The following ULK4 variants were observed in gnomAD, a reference collection of about 807,000 sequenced individuals.
The protein encoded by ULK4 is inactive serine/threonine-protein kinase ULK4.
ULK4 carries 133 observed loss-of-function variants against 160.6 expected under a neutral mutation model. That is an observed-to-expected ratio of 0.83 (90% CI 0.72 to 0.96). ULK4 has a LOEUF of 0.96. Ranked by LOEUF, ULK4 falls within the 40% of genes least tolerant of loss-of-function variation. The probability of loss-of-function intolerance (pLI) is 0.00; values close to 1 mark genes in which losing one functional copy is unlikely to be tolerated. For synonymous variants in ULK4, 534 were observed against 539.8 expected, an observed-to-expected ratio of 0.99 and a Z score of 0.15; for missense variants, 1,580 against 1,499.5, an observed-to-expected ratio of 1.05 and a Z score of -0.89.
At chr3:41,339,704 C>T (rs1305359537) in intron 35 of ULK4, among the ~76,000 whole-genome samples, 1 of 152,160 alleles carries the variant, frequency 6.6e-6, no homozygotes, top group Admixed American at 6.5e-5. Context: ...CACTCTTATA[C>T]AGTAAAGGTG....
At chr3:41,402,231 CTTA>C (rs1456912081) in intron 34 of ULK4, among the ~76,000 whole-genome samples, 1 of 152,154 alleles carries the variant, frequency 6.6e-6, no homozygotes, top group Non-Finnish European at 1.5e-5. Context: ...GTTGAACTCA[CTTA>C]TTAATTCTAG....
At chr3:41,366,248 A>G (rs1004944493) in intron 35 of ULK4, among the ~76,000 whole-genome samples, 8 of 152,214 alleles carry the variant, frequency 5.3e-5, no homozygotes, top group Non-Finnish European at 1.2e-4. Flanking sequence ...AATTCCTCTA[A>G]AAACTTACTT....
At chr3:41,409,585 C>T (rs1471631811) in intron 34 of ULK4, among the ~76,000 whole-genome samples, 1 of 152,090 alleles carries the variant, frequency 6.6e-6, no homozygotes, top group Non-Finnish European at 1.5e-5. Context: ...ACAGATATTT[C>T]TCCAAAGAAG....
Position 41,900,574 on chromosome 3 carries a change from T to C in ULK4, c.1287+151A>G. 2 of 615,170 alleles carry C rather than the reference T, an allele frequency of 3.3e-6. 1 individual carries two copies. The highest frequency in any genetic ancestry group is 4.7e-5 in the South Asian group (2 of 42,846). 38.1% of individuals were successfully genotyped at this position (615,170 alleles called of 1,614,324 possible). On this transcript the variant is annotated intron_variant, in intron 13 of 36. Coordinates refer to ENST00000301831, the MANE Select transcript of ULK4 (RefSeq NM_017886.4). ...AAAGGGCTGCAGACAGAGGGGGAGCTGCAAATGCAGACATGCAGCACAAAT... is the reference window on the plus strand; with the variant it reads ...AAAGGGCTGCAGACAGAGGGGGAGCCGCAAATGCAGACATGCAGCACAAAT...
intron 36 of ULK4, among the ~76,000 whole-genome samples, chr3:41,248,929 G>A (rs2078693878): frequency 6.6e-6 from 1 of 152,240 alleles, no homozygotes; most frequent in South Asian, 2.1e-4. Flanking sequence ...AGGACTGGGA[G>A]GCTAGCCTAA....
chr3:41,915,720 T>A (rs575114165), intron 8 of ULK4, among the ~76,000 whole-genome samples: 1 of 152,110 alleles, frequency 6.6e-6, no homozygotes, highest in Non-Finnish European at 1.5e-5. Context: ...ACTTAATACA[T>A]GAAAAGAGAA....
At chr3:41,397,100 C>T (rs1460314143) in intron 35 of ULK4, among the ~76,000 whole-genome samples, 3 of 152,044 alleles carry the variant, frequency 2.0e-5, no homozygotes, top group African/African-American at 4.8e-5. Flanking sequence ...GAAGTGAACA[C>T]AGACTGACAA....
chr3:41,367,494 T>C (rs11917177), intron 35 of ULK4, among the ~76,000 whole-genome samples: 4,635 of 152,234 alleles, frequency 0.03, 261 homozygotes, highest in African/African-American at 0.11. Context: ...CCTTGGGGTA[T>C]ATCCTGTGGT....
At chr3:41,670,002 G>C (rs2035482569) in intron 29 of ULK4, among the ~76,000 whole-genome samples, 1 of 152,204 alleles carries the variant, frequency 6.6e-6, no homozygotes, top group Admixed American at 6.5e-5. Context: ...TGAGAGTCTT[G>C]AATAGTTGGG....
chr3:41,772,868 C>T (rs1428497931), intron 21 of ULK4, among the ~76,000 whole-genome samples: 1 of 152,160 alleles, frequency 6.6e-6, no homozygotes, highest in Non-Finnish European at 1.5e-5. Flanking sequence ...AAAGCTTATC[C>T]ACCATGATCA....
intron 23 of ULK4, 84 bp downstream of exon 23, chr3:41,717,644 G>A (rs572829566): frequency 6.6e-7 from 1 of 1,514,030 alleles, no homozygotes; most frequent in Admixed American, 1.9e-5. Flanking sequence ...AGACAAGTAA[G>A]AATAAAAAAG....
At chr3:41,679,299 C>T (rs961973373) in intron 29 of ULK4, among the ~76,000 whole-genome samples, 2 of 152,126 alleles carry the variant, frequency 1.3e-5, no homozygotes, top group Non-Finnish European at 2.9e-5. Flanking sequence ...AAGAAGCATC[C>T]TATTTAATCT....
At chr3:41,267,107 C>T (rs1053208374) in intron 35 of ULK4, among the ~76,000 whole-genome samples, 4 of 147,228 alleles carry the variant, frequency 2.7e-5, no homozygotes, top group Admixed American at 6.9e-5. Context: ...CATAGGTATA[C>T]GTGTGCCACG....
intron 32 of ULK4, among the ~76,000 whole-genome samples, chr3:41,491,103 T>C (rs974293973): frequency 3.9e-5 from 6 of 152,232 alleles, no homozygotes; most frequent in African/African-American, 1.2e-4. Context: ...CCAAGGTCTA[T>C]GTGAATAAAT....
At chr3:41,271,345 C>T (rs2079134980) in intron 35 of ULK4, among the ~76,000 whole-genome samples, 1 of 151,890 alleles carries the variant, frequency 6.6e-6, no homozygotes, top group African/African-American at 2.4e-5. Flanking sequence ...CCTTCATAAA[C>T]CATAATTATT....
chr3:41,688,640 A>G (rs2036180287), intron 27 of ULK4, among the ~76,000 whole-genome samples: 1 of 152,194 alleles, frequency 6.6e-6, no homozygotes, highest in Admixed American at 6.5e-5. Flanking sequence ...TTTGTATCCT[A>G]GTTATCAGCT....
intron 17 of ULK4, among the ~76,000 whole-genome samples, chr3:41,862,249 T>C (rs889465097): frequency 6.6e-6 from 1 of 152,234 alleles, no homozygotes; most frequent in African/African-American, 2.4e-5. Flanking sequence ...TTTTTAATTA[T>C]TTCAATCTCT....
In ULK4 at chr3:41,420,475, C is replaced by CTTTTTTTTTTT. The variant is rs1165381982; in HGVS notation, c.3493-22222_3493-22212dup. ...GGATTTTTCAGTTTTCCAGTTCTTT[C>CTTTTTTTTTTT]TTTTTTTTTTTTTTTTTTTTTTTTT... On this transcript the variant is annotated intron_variant, in intron 34 of 36. Coordinates refer to ENST00000301831, the MANE Select transcript of ULK4 (RefSeq NM_017886.4). Among the ~76,000 whole-genome samples, 398 of 41,180 alleles carry CTTTTTTTTTTT rather than the reference C, an allele frequency of 9.7e-3. 50 individuals are homozygous for CTTTTTTTTTTT. Among genetic ancestry groups the CTTTTTTTTTTT allele is most frequent in the Non-Finnish European group, 0.013 (307 of 24,328 alleles). The allele number at this position is 41,180 out of a possible 152,430, so 27.0% of individuals were successfully genotyped here.
chr3:41,928,571 T>TC (rs1699470847), intron 5 of ULK4, among the ~76,000 whole-genome samples: 1 of 150,246 alleles, frequency 6.7e-6, no homozygotes, highest in Admixed American at 6.6e-5. Context: ...AGCTGTTTTT[T>TC]TTTAAATGAT....
Sources: allele counts gnomAD v4.1 joint callset (sites outside exome capture counted in the v4.1 genomes callset), GRCh38; gene constraint gnomAD v4.1.1; transcripts MANE v1.5; gene names NCBI Gene and HGNC (gene_info 2026-07-23, HGNC 2026-07-21).